DYNC2H1: variants seen among roughly 807,000 people sequenced by gnomAD.
The protein encoded by DYNC2H1 is dynein cytoplasmic 2 heavy chain 1, also known as cytoplasmic dynein 2 heavy chain 1.
A neutral mutation model predicts 570.0 loss-of-function variants in DYNC2H1; 410 were observed. That is an observed-to-expected ratio of 0.72 (90% CI 0.66 to 0.78). The LOEUF is 0.78. Ranked by LOEUF, DYNC2H1 falls within the 30% of genes least tolerant of loss-of-function variation. The pLI is 0.00. For synonymous variants in DYNC2H1, 1,688 were observed against 1,677.6 expected (o/e 1.01, Z -0.15); for missense variants, 4,865 against 5,046.4 (o/e 0.96, Z 1.09).
intron 65 of DYNC2H1, among the ~76,000 whole-genome samples, chr11:103,248,703 C>T (rs1354336733): frequency 6.6e-6 from 1 of 151,972 alleles, no homozygotes; most frequent in Non-Finnish European, 1.5e-5. Context: ...CACTTTCTGT[C>T]ATAATACATT....
intron 68 of DYNC2H1, among the ~76,000 whole-genome samples, chr11:103,257,378 T>G (rs751580748): frequency 2.0e-5 from 3 of 152,166 alleles, no homozygotes; most frequent in Non-Finnish European, 4.4e-5. Flanking sequence ...CTTAATAGAC[T>G]AAGACATATA....
intron 83 of DYNC2H1, among the ~76,000 whole-genome samples, chr11:103,380,751 G>A (rs535267700): frequency 8.9e-4 from 136 of 152,072 alleles, no homozygotes; most frequent in Non-Finnish European, 1.3e-3. Context: ...TGGTAGAGAT[G>A]GGGTTTCGCC....
rs1304672897 is a variant in DYNC2H1 at position 103,288,693 on chromosome 11, A to AAAAAAG, written c.11095+1093_11095+1094insGAAAAA. ...GAAACCCCGTCTCTACTAAAAAAAA[A>AAAAAAG]AAAAAAAAAAAAAAAAAGAAAAGAA... On this transcript the variant is annotated intron_variant, in intron 75 of 88. Coordinates refer to ENST00000375735, the MANE Select transcript of DYNC2H1 (RefSeq NM_001377.3). 9.7e-5 allele frequency among the ~76,000 whole-genome samples: 14 copies of AAAAAAG among 144,742 alleles called. 1 individual carries two copies. Among genetic ancestry groups the AAAAAAG allele is most frequent in the Non-Finnish European group, 1.5e-4 (10 of 64,898 alleles). The allele number at this position is 144,742 out of a possible 152,430, so 95.0% of individuals were successfully genotyped here.
chr11:103,296,027 C>G (rs549352803), intron 75 of DYNC2H1, among the ~76,000 whole-genome samples: 1 of 152,296 alleles, frequency 6.6e-6, no homozygotes, highest in Non-Finnish European at 1.5e-5. Context: ...GTCACACTCA[C>G]TTTCCTCCCC....
chr11:103,453,108 A>G (rs1248262535), intron 85 of DYNC2H1, among the ~76,000 whole-genome samples: 2 of 142,818 alleles, frequency 1.4e-5, no homozygotes, highest in Non-Finnish European at 3.1e-5. Context: ...GTTATATGCC[A>G]TTTGAAGAAT....
chr11:103,292,040 C>G (rs1406331173), intron 75 of DYNC2H1, among the ~76,000 whole-genome samples: 1 of 151,918 alleles, frequency 6.6e-6, no homozygotes, highest in East Asian at 1.9e-4. Flanking sequence ...AGAATTTAGT[C>G]CATTTATATT....
At chr11:103,433,725 G>T (rs1943972025) in intron 84 of DYNC2H1, among the ~76,000 whole-genome samples, 1 of 152,158 alleles carries the variant, frequency 6.6e-6, no homozygotes, top group Admixed American at 6.5e-5. Flanking sequence ...TCAGGCTAAG[G>T]CTAAAGGGAT....
At chr11:103,160,207 A>T (rs953505687) in intron 28 of DYNC2H1, among the ~76,000 whole-genome samples, 2 of 152,080 alleles carry the variant, frequency 1.3e-5, no homozygotes, top group Non-Finnish European at 2.9e-5. Flanking sequence ...ATAATAATAT[A>T]GTTTTTTTGT....
In DYNC2H1 at chr11:103,319,930, A is replaced by AC; in HGVS notation, c.11726-1098dup. On this transcript the variant is annotated intron_variant, in intron 80 of 88. Coordinates refer to ENST00000375735, the MANE Select transcript of DYNC2H1 (RefSeq NM_001377.3). The surrounding 1 kb of genome is among the most constrained non-coding windows in gnomAD (Gnocchi z 4.3). Reference sequence around the variant, plus strand: ...AGGCAGATAACAACTTTATTCTTCCACTATATAGGTCCCCTTATCCTGCAG... The same window carrying AC: ...AGGCAGATAACAACTTTATTCTTCCACCTATATAGGTCCCCTTATCCTGCAG... 6.6e-6 allele frequency among the ~76,000 whole-genome samples: 1 copy of AC among 152,244 alleles called. No individual in the cohort carries two copies. Among genetic ancestry groups the AC allele is most frequent in the South Asian group, 2.1e-4 (1 of 4,826 alleles).
intron 65 of DYNC2H1, among the ~76,000 whole-genome samples, chr11:103,247,079 TAA>T (rs1250942090): frequency 6.6e-6 from 1 of 151,900 alleles, no homozygotes; most frequent in Non-Finnish European, 1.5e-5. Context: ...TTGCAGTTGG[TAA>T]ATAGTTGAAG....
At chr11:103,412,804 C>T (rs933169861) in intron 84 of DYNC2H1, among the ~76,000 whole-genome samples, 2 of 152,162 alleles carry the variant, frequency 1.3e-5, no homozygotes, top group African/African-American at 4.8e-5. Flanking sequence ...TATGTTCATA[C>T]ATATACATAT....
intron 31 of DYNC2H1, among the ~76,000 whole-genome samples, chr11:103,167,513 C>CT (rs1477656574): frequency 1.3e-5 from 2 of 152,134 alleles, no homozygotes; most frequent in African/African-American, 4.8e-5. Context: ...AGCAGTCCTC[C>CT]TGCCTCGGCC....
At chr11:103,470,438 ATTCT>A (rs1304221946) in intron 88 of DYNC2H1, among the ~76,000 whole-genome samples, 7 of 152,262 alleles carry the variant, frequency 4.6e-5, no homozygotes, top group East Asian at 3.9e-4. Flanking sequence ...TTTTATTATT[ATTCT>A]TTAAGTTTTA....
chr11:103,200,761 G>T (rs1565390778), intron 50 of DYNC2H1, among the ~76,000 whole-genome samples: 1 of 152,142 alleles, frequency 6.6e-6, no homozygotes. Context: ...CTGGAAAAAT[G>T]CACATTCTCC....
rs1471800064 is a variant in DYNC2H1, at chr11:103,244,863, T to C, written c.9919-388T>C. Among the ~76,000 whole-genome samples the C allele has an allele frequency of 1.3e-5, 2 of 150,702 alleles. No individual in the cohort carries two copies. Among genetic ancestry groups the C allele is most frequent in the Non-Finnish European group, 3.0e-5 (2 of 67,594 alleles). On this transcript the variant is annotated intron_variant, in intron 64 of 88. Transcript: ENST00000375735. This position sits in a 1 kb window ranked among gnomAD's most constrained non-coding sequence, Gnocchi z 4.3. ...TTTTATATATATGTACACACACACA[T>C]ATATATATACACACACATACCACAC...
At chr11:103,147,686 A>G in intron 18 of DYNC2H1, 86 bp from the exon 19 acceptor site, 1 of 775,054 alleles carries the variant, frequency 1.3e-6, no homozygotes, top group South Asian at 1.8e-5. Flanking sequence ...TAAGTGTATT[A>G]CATGAAATCA....
chr11:103,221,055 T>G (rs545286682), intron 57 of DYNC2H1, among the ~76,000 whole-genome samples: 1 of 152,178 alleles, frequency 6.6e-6, no homozygotes, highest in South Asian at 2.1e-4. Context: ...AATAATATAT[T>G]TGGTCCATAC....
At chr11:103,364,170 T>C (rs1270437859) in intron 83 of DYNC2H1, among the ~76,000 whole-genome samples, 1 of 152,216 alleles carries the variant, frequency 6.6e-6, no homozygotes, top group African/African-American at 2.4e-5. Context: ...ATGCAGTACC[T>C]ACATTTGACT....
chr11:103,166,843 A>AT (rs1163428606), intron 31 of DYNC2H1, among the ~76,000 whole-genome samples: 1 of 151,770 alleles, frequency 6.6e-6, no homozygotes, highest in African/African-American at 2.4e-5. Context: ...CAATCTGTAC[A>AT]TTTGTTTTTC....
Sources: allele counts gnomAD v4.1 joint callset (sites outside exome capture counted in the v4.1 genomes callset), GRCh38; gene constraint gnomAD v4.1.1; non-coding constraint Gnocchi (gnomAD v3.1); transcripts MANE v1.5; gene names NCBI Gene and HGNC (gene_info 2026-07-23, HGNC 2026-07-21).